GEMIN7: variants seen among roughly 807,000 people sequenced by gnomAD.
GEMIN7 encodes the protein gem nuclear organelle associated protein 7.
In GEMIN7, 7 loss-of-function variants were observed where a neutral mutation model predicts 7.8. That is an observed-to-expected ratio of 0.90 (90% CI 0.51 to 1.69). GEMIN7 has a LOEUF of 1.69. Ranked by LOEUF, GEMIN7 falls within the 40% of genes most tolerant of loss-of-function variation. The pLI, the probability that GEMIN7 is intolerant of heterozygous loss-of-function variation, is 0.00. For missense variants in GEMIN7, 159 were observed against 176.2 expected (o/e 0.90, Z 0.55); for synonymous variants, 68 against 72.4 (o/e 0.94, Z 0.31).
At chr19:45,088,683 A>G (rs942026260) in intron 2 of GEMIN7, 1 of 152,086 alleles carries the variant, frequency 6.6e-6, no homozygotes, top group African/African-American at 2.4e-5. Flanking sequence ...GAAGTTCAAG[A>G]CCAGCCTCGG....
chr19:45,077,760 C>T (rs1228468908), upstream of GEMIN7, among the ~76,000 whole-genome samples: 1 of 152,164 alleles, frequency 6.6e-6, no homozygotes, highest in Non-Finnish European at 1.5e-5. Flanking sequence ...CCCCAGTTCC[C>T]TCTTGGATCT....
intron 2 of GEMIN7, among the ~76,000 whole-genome samples, chr19:45,087,825 A>G (rs1361191601): frequency 1.3e-5 from 2 of 152,102 alleles, no homozygotes; most frequent in Non-Finnish European, 2.9e-5. Context: ...GGAGTTGACT[A>G]CAGTACTCCA....
chr19:45,080,294 C>T (rs1311428274), intron 2 of GEMIN7, among the ~76,000 whole-genome samples: 2 of 152,184 alleles, frequency 1.3e-5, no homozygotes, highest in South Asian at 2.1e-4. Context: ...GCTCCACAGT[C>T]TGCCTTTCTA....
intron 2 of GEMIN7, among the ~76,000 whole-genome samples, chr19:45,084,809 G>A (rs140529262): frequency 5.3e-5 from 8 of 152,290 alleles, no homozygotes; most frequent in East Asian, 1.9e-4. Flanking sequence ...AGGCTGGAGC[G>A]CAATGGCGCA....
chr19:45,076,411 G>A, upstream of GEMIN7: 1 of 1,227,062 alleles, frequency 8.1e-7, no homozygotes, highest in African/African-American at 1.6e-5. This position sits in a 1 kb window ranked among gnomAD's most constrained non-coding sequence, Gnocchi z 4.9. Flanking sequence ...CGGGCAGGCA[G>A]GCAGGCGGGC....
chr19:45,081,230 G>A (rs989579720), intron 2 of GEMIN7, among the ~76,000 whole-genome samples: 9 of 152,190 alleles, frequency 5.9e-5, no homozygotes, highest in Non-Finnish European at 1.2e-4. Flanking sequence ...ACTTTGGGAG[G>A]CTGAAGCAGG....
Position 45,090,524 on chromosome 19 carries a change from A to C in GEMIN7, c.*14A>C. 1 of 1,593,736 alleles carries C rather than the reference A, an allele frequency of 6.3e-7. No individual in the cohort carries two copies. Among genetic ancestry groups the C allele is most frequent in the Non-Finnish European group, 8.6e-7 (1 of 1,165,302 alleles). ...TTCAAGCCATAAAGATATTGTGTTC[A>C]CTTTTCTGCTTGAGGCTAAGGCACT... On this transcript the variant is annotated 3_prime_UTR_variant, in exon 3 of 3. Transcript: ENST00000270257.
chr19:45,078,952 G>T (rs2122645478), upstream of GEMIN7, among the ~76,000 whole-genome samples: 1 of 152,314 alleles, frequency 6.6e-6, no homozygotes, highest in East Asian at 1.9e-4. Flanking sequence ...ATGTGTAGGG[G>T]GATGGGGATG....
At chr19:45,075,896 G>A (rs747381968), upstream of GEMIN7, 4 of 1,612,142 alleles carry the variant, frequency 2.5e-6, no homozygotes, top group East Asian at 4.5e-5. Context: ...AGCGTGGGGT[G>A]GGGCCAGGAT....
chr19:45,090,301 C>A lies in GEMIN7; in HGVS notation c.187C>A (p.Arg63=). 6.2e-7 allele frequency: 1 copy of A among 1,614,178 alleles called. No individual in the cohort carries two copies. Among genetic ancestry groups the A allele is most frequent in the Non-Finnish European group, 8.5e-7 (1 of 1,180,040 alleles). ...GGAGCAGCGGGCACGAGCCGCCCTT[C>A]GGGAGCGTTACCTCCGCAGCCTGCT... The part of the protein sequence containing the change: ...SQEQRARAAL[R]ERYLRSLLAM... Residue 63 remains arginine, a synonymous_variant, in exon 3 of 3, where the codon CGG becomes AGG. Transcript: ENST00000270257.
Position 45,090,407 on chromosome 19 carries a change from A to C in GEMIN7, c.293A>C (p.Asp98Ala). Residue 98 changes from aspartate (D) to alanine (A), a missense_variant, in exon 3 of 3, where the codon GAT becomes GCT. Physicochemically the swap from Asp to Ala is moderately radical, Grantham distance 126. Transcript: ENST00000270257. ...GCCCACTTTGGAGCCACCGACCTGG[A>C]TGTGGCCAACTTCTACGTGTCACAG... is the stretch of plus-strand genomic sequence containing the variant. ...VAAHFGATDL[D>A]VANFYVSQLQ... 1 of 1,614,144 alleles carries C rather than the reference A, an allele frequency of 6.2e-7. No individual in the cohort carries two copies. Among genetic ancestry groups the C allele is most frequent in the Non-Finnish European group, 8.5e-7 (1 of 1,180,048 alleles).
intron 2 of GEMIN7, among the ~76,000 whole-genome samples, chr19:45,080,764 TG>T (rs1332954950): frequency 3.2e-4 from 46 of 145,022 alleles, no homozygotes; most frequent in Non-Finnish European, 4.4e-4. Context: ...CCTTGTTTTT[TG>T]TTTTTTTTTT....
At chr19:45,083,976 C>T (rs906232396) in intron 2 of GEMIN7, among the ~76,000 whole-genome samples, 30 of 150,770 alleles carry the variant, frequency 2.0e-4, no homozygotes, top group African/African-American at 7.1e-4. Context: ...TTTGGGAGGC[C>T]AAGGCGGGTG....
Position 45,090,471 on chromosome 19 carries a change from C to G in GEMIN7, c.357C>G (p.Leu119=), listed in dbSNP as rs1352042751. The G allele has an allele frequency of 1.9e-6, 3 of 1,613,206 alleles. No individual in the cohort carries two copies. Among genetic ancestry groups the G allele is most frequent in the African/African-American group, 1.3e-5 (1 of 74,918 alleles). ...TAGGTGTGCAAGCAGAGGCGCTGCT[C>G]CGATGTAGTGACATTATTTCATATA... is the stretch of plus-strand genomic sequence containing the variant. ...TPIGVQAEAL[L]RCSDIISYTF... Residue 119 remains leucine, a synonymous_variant, in exon 3 of 3, where the codon CTC becomes CTG. Coordinates refer to ENST00000270257, the MANE Select transcript of GEMIN7 (RefSeq NM_024707.3).
At chr19:45,089,523 TGA>T (rs1287912772) in intron 2 of GEMIN7, among the ~76,000 whole-genome samples, 1 of 152,094 alleles carries the variant, frequency 6.6e-6, no homozygotes, top group Non-Finnish European at 1.5e-5. Context: ...GGGTTGTGTG[TGA>T]GAGAAAGCTG....
At chr19:45,078,097 C>CTTTTT (rs57149861), upstream of GEMIN7, among the ~76,000 whole-genome samples, 6 of 96,656 alleles carry the variant, frequency 6.2e-5, no homozygotes, top group East Asian at 6.5e-4. Context: ...TTATTTTACT[C>CTTTTT]TTTTTTTTTT....
intron 1 of GEMIN7, 138 bp from the exon 2 acceptor site, chr19:45,079,769 G>A (rs1255369680): frequency 1.3e-5 from 2 of 152,284 alleles, no homozygotes; most frequent in Non-Finnish European, 2.9e-5. Flanking sequence ...AGAAGGGGAG[G>A]GGAGAGATTC....
intron 2 of GEMIN7, 58 bp downstream of exon 2, chr19:45,080,087 G>C (rs1342163784): frequency 6.6e-6 from 1 of 152,264 alleles, no homozygotes; most frequent in Non-Finnish European, 1.5e-5. Flanking sequence ...GAATCTAACA[G>C]ACTAGTTTTT....
At chr19:45,076,052 G>A (rs759489608), upstream of GEMIN7, 29 of 1,575,218 alleles carry the variant, frequency 1.8e-5, no homozygotes, top group South Asian at 3.2e-4. The surrounding 1 kb of genome is among the most constrained non-coding windows in gnomAD (Gnocchi z 4.9). Context: ...AAGGGAGGCT[G>A]GGCCCAGGGC....
Sources: gnomAD v4.1 joint callset for allele counts (sites outside exome capture counted in the v4.1 genomes callset) on GRCh38, gnomAD v4.1.1 for gene constraint, Gnocchi (gnomAD v3.1) non-coding constraint, MANE v1.5 for transcripts, NCBI Gene and HGNC (gene_info 2026-07-23, HGNC 2026-07-21) for gene names.